PLXDC2: variants seen among roughly 807,000 people sequenced by gnomAD.
The protein encoded by PLXDC2 is plexin domain containing 2.
In PLXDC2, 40 loss-of-function variants were observed where a neutral mutation model predicts 68.9. The ratio of observed to expected loss-of-function variants is 0.58; its 90% CI spans 0.45 to 0.76. PLXDC2 has a LOEUF of 0.76. PLXDC2 is among the 30% of genes least tolerant of loss of function. The pLI is 0.00. For synonymous variants in PLXDC2, 243 were observed against 234.2 expected, an observed-to-expected ratio of 1.04 and a Z score of -0.34; for missense variants, 644 against 661.9, an observed-to-expected ratio of 0.97 and a Z score of 0.30.
chr10:20,017,990 G>A (rs912043174), intron 2 of PLXDC2, among the ~76,000 whole-genome samples: 8 of 152,220 alleles, frequency 5.3e-5, no homozygotes, highest in African/African-American at 1.9e-4. Flanking sequence ...CAGCTGTGGA[G>A]GATTAGGGGC....
rs962707141 is a variant in PLXDC2 at position 19,891,119 on chromosome 10, G to A, written c.112+73928G>A. Among the ~76,000 whole-genome samples the A allele has an allele frequency of 2.6e-5, 4 of 152,038 alleles. No individual in the cohort carries two copies. In the East Asian group the frequency reaches 5.8e-4, roughly 22 times the overall value. On this transcript the variant is annotated intron_variant, in intron 1 of 13. Transcript: ENST00000377252. ...TCTTTTATGTCTTTCTCTGTCCAGC[G>A]CTCCCACCCCTGAAAAATATAAGTA...
intron 1 of PLXDC2, among the ~76,000 whole-genome samples, chr10:19,928,369 A>G (rs1046916784): frequency 3.9e-5 from 6 of 152,228 alleles, no homozygotes; most frequent in Non-Finnish European, 7.3e-5. Context: ...GGACAAACTA[A>G]TGATGGACAC....
chr10:19,905,635 A>G (rs1417755640), intron 1 of PLXDC2, among the ~76,000 whole-genome samples: 1 of 152,186 alleles, frequency 6.6e-6, no homozygotes, highest in Non-Finnish European at 1.5e-5. Context: ...TAATTCAACC[A>G]GTCAGCCATA....
At chr10:19,906,044 C>G (rs1471732203) in intron 1 of PLXDC2, among the ~76,000 whole-genome samples, 1 of 151,400 alleles carries the variant, frequency 6.6e-6, no homozygotes, top group Non-Finnish European at 1.5e-5. Context: ...GCCTTACATT[C>G]TAGTGATGTG....
chr10:20,121,790 T>C (rs1300092739), intron 4 of PLXDC2, among the ~76,000 whole-genome samples: 1 of 152,104 alleles, frequency 6.6e-6, no homozygotes, highest in Non-Finnish European at 1.5e-5. Flanking sequence ...TTGTCTGGTT[T>C]TAGGACAGGT....
At chr10:19,906,655 A>C (rs1026060005) in intron 1 of PLXDC2, among the ~76,000 whole-genome samples, 1 of 152,006 alleles carries the variant, frequency 6.6e-6, no homozygotes, top group African/African-American at 2.4e-5. Context: ...GGTTTTTACT[A>C]TCTCTAGGAA....
intron 2 of PLXDC2, among the ~76,000 whole-genome samples, chr10:20,007,341 G>A (rs572938787): frequency 5.3e-5 from 8 of 152,344 alleles, no homozygotes; most frequent in South Asian, 2.1e-4. Context: ...CTGTAGAATA[G>A]TGTTGGTCAC....
chr10:19,901,886 T>A (rs903582751), intron 1 of PLXDC2, among the ~76,000 whole-genome samples: 2 of 152,228 alleles, frequency 1.3e-5, no homozygotes, highest in African/African-American at 4.8e-5. Context: ...TTCATTCTTC[T>A]ACATGTGGCT....
chr10:20,087,853 T>A (rs950303292), intron 4 of PLXDC2, among the ~76,000 whole-genome samples: 4 of 152,176 alleles, frequency 2.6e-5, no homozygotes, highest in African/African-American at 9.7e-5. Context: ...TTATTAATAA[T>A]TTCCCTACCA....
intron 9 of PLXDC2, among the ~76,000 whole-genome samples, chr10:20,186,240 TAGAC>T (rs1250249356): frequency 6.6e-6 from 1 of 151,958 alleles, no homozygotes; most frequent in Non-Finnish European, 1.5e-5. Flanking sequence ...CTAGTCATCA[TAGAC>T]AGAAAGAGAG....
chr10:19,918,860 C>T (rs1833413497), intron 1 of PLXDC2, among the ~76,000 whole-genome samples: 3 of 152,158 alleles, frequency 2.0e-5, no homozygotes, highest in South Asian at 2.1e-4. Flanking sequence ...ATTTCTCAAT[C>T]GTTAAGAAGT....
At chr10:20,142,505 A>T (rs576733420) in intron 4 of PLXDC2, among the ~76,000 whole-genome samples, 2 of 152,268 alleles carry the variant, frequency 1.3e-5, no homozygotes, top group East Asian at 3.9e-4. Flanking sequence ...CAAAGTAAAT[A>T]AACCTAGTGT....
intron 1 of PLXDC2, among the ~76,000 whole-genome samples, chr10:19,967,773 A>G (rs1225574565): frequency 6.6e-6 from 1 of 151,832 alleles, no homozygotes; most frequent in Non-Finnish European, 1.5e-5. Context: ...AAATCAGATC[A>G]TCCTGCATCA....
chr10:19,909,128 T>C (rs1165277941), intron 1 of PLXDC2, among the ~76,000 whole-genome samples: 1 of 152,120 alleles, frequency 6.6e-6, no homozygotes, highest in Non-Finnish European at 1.5e-5. Flanking sequence ...AGAAACCAAG[T>C]TTCTATGGGT....
At chr10:19,989,522 ATATT>A (rs1198821839) in intron 1 of PLXDC2, among the ~76,000 whole-genome samples, 1 of 152,194 alleles carries the variant, frequency 6.6e-6, no homozygotes, top group Non-Finnish European at 1.5e-5. Context: ...ATGTGGACAC[ATATT>A]TATGTACACA....
intron 1 of PLXDC2, among the ~76,000 whole-genome samples, chr10:19,908,653 A>G (rs997738778): frequency 6.6e-6 from 1 of 152,144 alleles, no homozygotes; most frequent in Non-Finnish European, 1.5e-5. Flanking sequence ...TAAGTTTAGG[A>G]TCAAGATTGT....
At chr10:19,846,707 G>A (rs1457632491) in intron 1 of PLXDC2, among the ~76,000 whole-genome samples, 2 of 152,172 alleles carry the variant, frequency 1.3e-5, no homozygotes, top group Non-Finnish European at 2.9e-5. Flanking sequence ...AGGGAAACAT[G>A]GAAGGACAGT....
At position 20,279,758 on chromosome 10, in the gene PLXDC2, C is replaced by T. The variant is rs2119398618; in HGVS notation, c.1529C>T (p.Ala510Val). Residue 510 changes from alanine to valine, a missense_variant, in exon 14 of 14, where the codon GCC (alanine) becomes GTC (valine). By Grantham distance (64) the Ala-to-Val change is moderately conservative (BLOSUM62 0). Coordinates refer to ENST00000377252, the MANE Select transcript of PLXDC2 (RefSeq NM_032812.9). ...TTTAGAAGAGGCTCTGGACATCCTGCCTATGCTGAAGTTGAACCAGTTGGA... is the reference window on the plus strand; with the variant it reads ...TTTAGAAGAGGCTCTGGACATCCTGTCTATGCTGAAGTTGAACCAGTTGGA... ...MKFRRGSGHP[A>V]YAEVEPVGEK... is the part of the protein sequence containing the mutation. 6.2e-7 allele frequency: 1 copy of T among 1,613,922 alleles called. No individual in the cohort carries two copies. Among genetic ancestry groups the T allele is most frequent in the South Asian group, 1.1e-5 (1 of 91,084 alleles).
chr10:20,125,584 C>G (rs2884565), intron 4 of PLXDC2, among the ~76,000 whole-genome samples: 33,450 of 151,992 alleles, frequency 0.22, 5,208 homozygotes, highest in African/African-American at 0.43. Flanking sequence ...AGGTTTGAGC[C>G]TGACCATAGG....
Sources: allele counts gnomAD v4.1 joint callset (sites outside exome capture counted in the v4.1 genomes callset), GRCh38; gene constraint gnomAD v4.1.1; transcripts MANE v1.5; gene names NCBI Gene and HGNC (gene_info 2026-07-23, HGNC 2026-07-21).